Variants in GABRB2 observed in about 807,000 individuals in gnomAD.
GABRB2 encodes gamma-aminobutyric acid receptor subunit beta-2.
GABRB2 carries 16 observed loss-of-function variants against 54.7 expected under a neutral mutation model. The ratio of observed to expected loss-of-function variants is 0.29; its 90% confidence interval spans 0.20 to 0.44. The LOEUF (loss-of-function observed/expected upper bound fraction) is 0.44. GABRB2 is among the 20% of genes least tolerant of loss of function. The pLI is 1.00. For missense variants in GABRB2, 355 were observed against 644.0 expected (o/e 0.55, Z 4.86); for synonymous variants, 244 against 233.8 (o/e 1.04, Z -0.40).
At chr5:161,418,430 C>G (rs548386272) in intron 4 of GABRB2, among the ~76,000 whole-genome samples, 1 of 152,086 alleles carries the variant, frequency 6.6e-6, no homozygotes, top group African/African-American at 2.4e-5. Flanking sequence ...TAATCATTCT[C>G]TTTTTTAAAT....
intron 5 of GABRB2, among the ~76,000 whole-genome samples, chr5:161,387,900 C>A (rs1755695840): frequency 6.6e-6 from 1 of 151,818 alleles, no homozygotes; most frequent in Non-Finnish European, 1.5e-5. Context: ...ATATACAAAC[C>A]CTAACAGTTT....
At chr5:161,482,922 C>T (rs1758808359) in intron 3 of GABRB2, among the ~76,000 whole-genome samples, 1 of 151,976 alleles carries the variant, frequency 6.6e-6, no homozygotes, top group Admixed American at 6.6e-5. Context: ...ATATCATCAG[C>T]CTAGACAAAA....
chr5:161,504,296 G>T (rs761744229), intron 3 of GABRB2, among the ~76,000 whole-genome samples: 15 of 152,130 alleles, frequency 9.9e-5, no homozygotes, highest in Admixed American at 8.5e-4. Flanking sequence ...TAAACCATGT[G>T]CAAGGATATT....
intron 6 of GABRB2, among the ~76,000 whole-genome samples, chr5:161,335,573 C>T (rs542458302): frequency 6.6e-6 from 1 of 152,208 alleles, no homozygotes; most frequent in Non-Finnish European, 1.5e-5. Context: ...TAAAACAAGA[C>T]AAATAACAGA....
intron 5 of GABRB2, among the ~76,000 whole-genome samples, chr5:161,352,291 TA>T (rs1205153575): frequency 6.6e-6 from 1 of 151,838 alleles, no homozygotes; most frequent in Non-Finnish European, 1.5e-5. Context: ...AGCCAAGATA[TA>T]AAATGAACCT....
chr5:161,470,811 G>A (rs1344950415), intron 3 of GABRB2, among the ~76,000 whole-genome samples: 2 of 151,950 alleles, frequency 1.3e-5, no homozygotes, highest in African/African-American at 4.8e-5. Context: ...AGAAACCTGA[G>A]ATAAGGGGAA....
At chr5:161,309,997 G>T (rs75462878) in intron 9 of GABRB2, among the ~76,000 whole-genome samples, 1 of 152,120 alleles carries the variant, frequency 6.6e-6, no homozygotes, top group Admixed American at 6.5e-5. Context: ...AAAGAAAAAC[G>T]TTACATCCTT....
chr5:161,311,201 T>C (rs1455425399), intron 9 of GABRB2, among the ~76,000 whole-genome samples: 1 of 152,222 alleles, frequency 6.6e-6, no homozygotes, highest in Non-Finnish European at 1.5e-5. Flanking sequence ...CCTCATCTCA[T>C]GGATAATAAA....
intron 3 of GABRB2, among the ~76,000 whole-genome samples, chr5:161,490,022 A>G (rs2113349970): frequency 6.6e-6 from 1 of 151,846 alleles, no homozygotes; most frequent in East Asian, 1.9e-4. Context: ...TGCTGTAAGC[A>G]TAGAAGCTGA....
chr5:161,339,490 CT>C (rs1393358475), intron 5 of GABRB2, among the ~76,000 whole-genome samples: 2 of 152,024 alleles, frequency 1.3e-5, no homozygotes, highest in Admixed American at 6.6e-5. Flanking sequence ...ATCTGATTTT[CT>C]TTTTGATAAG....
intron 5 of GABRB2, among the ~76,000 whole-genome samples, chr5:161,338,459 C>T (rs79427478): frequency 0.02 from 2,991 of 152,208 alleles, 43 homozygotes; most frequent in Middle Eastern, 0.037. Context: ...ATCTGCTTTG[C>T]TATAAATTCT....
At chr5:161,400,075 A>T (rs906270776) in intron 5 of GABRB2, among the ~76,000 whole-genome samples, 1 of 152,150 alleles carries the variant, frequency 6.6e-6, no homozygotes, top group African/African-American at 2.4e-5. Flanking sequence ...TGGAAAGAAA[A>T]ATATCTTCAA....
chr5:161,460,400 C>T (rs1395618864), intron 3 of GABRB2, among the ~76,000 whole-genome samples: 4 of 152,126 alleles, frequency 2.6e-5, no homozygotes, highest in African/African-American at 9.7e-5. Flanking sequence ...GGGCCAGGCA[C>T]AGTGGTGGGC....
chr5:161,394,111 A>C (rs1755922456), intron 5 of GABRB2, among the ~76,000 whole-genome samples: 1 of 152,092 alleles, frequency 6.6e-6, no homozygotes, highest in Non-Finnish European at 1.5e-5. Context: ...ATACATTTCC[A>C]AATAAATTAT....
intron 5 of GABRB2, among the ~76,000 whole-genome samples, chr5:161,361,453 A>G (rs528429800): frequency 4.9e-4 from 74 of 152,262 alleles, no homozygotes; most frequent in African/African-American, 1.7e-3. Flanking sequence ...TATCTGGATC[A>G]CGTTGGGGTA....
Position 161,546,635 on chromosome 5 carries a change from T to A in GABRB2, c.9A>T (p.Arg3Ser), listed in dbSNP as rs967225542. ...TCCCAAAGTAGCCCCTTTTCCGCAC[T>A]CTCCACATCCCTTTAGTTTTTGATG... Reference protein sequence around the residue: MWRVRKRGYFGIW... With the variant: MWSVRKRGYFGIW... The change falls in exon 1 of 10, where the codon AGA (arginine) becomes AGT (serine). Residue 3 changes from arginine (R) to serine (S), a missense_variant. Arg to Ser is a moderately radical substitution (Grantham distance 110, BLOSUM62 -1). Transcript: ENST00000393959. The A allele has an allele frequency of 5.0e-6, 8 of 1,594,772 alleles. No individual in the cohort carries two copies. The highest frequency in any genetic ancestry group is 1.7e-5 in the Admixed American group (1 of 57,180).
chr5:161,385,116 A>G (rs993521218), intron 5 of GABRB2, among the ~76,000 whole-genome samples: 13 of 152,110 alleles, frequency 8.5e-5, no homozygotes, highest in Non-Finnish European at 1.6e-4. Context: ...TCTTCCAGAA[A>G]GTGCCGGGTC....
At chr5:161,397,649 T>C (rs750416428) in intron 5 of GABRB2, among the ~76,000 whole-genome samples, 2 of 152,214 alleles carry the variant, frequency 1.3e-5, no homozygotes, top group Non-Finnish European at 2.9e-5. Flanking sequence ...ATGCTGACAA[T>C]GTATAAACAC....
chr5:161,395,552 C>T (rs1319095391), intron 5 of GABRB2, among the ~76,000 whole-genome samples: 1 of 152,136 alleles, frequency 6.6e-6, no homozygotes, highest in Non-Finnish European at 1.5e-5. Context: ...TGAAATAACA[C>T]ATATAAGTAT....
Sources: gnomAD v4.1 joint callset for allele counts (sites outside exome capture counted in the v4.1 genomes callset) on GRCh38, gnomAD v4.1.1 for gene constraint, MANE v1.5 for transcripts, NCBI Gene and HGNC (gene_info 2026-07-23, HGNC 2026-07-21) for gene names.